The following TENM3 variants were observed in gnomAD, a reference collection of about 807,000 sequenced individuals.
TENM3 encodes the protein teneurin-3.
Under a neutral mutation model 255.1 loss-of-function variants are expected in TENM3, and 63 were observed. That is an observed-to-expected ratio of 0.25 (90% CI 0.20 to 0.30). The LOEUF is 0.30. Among genes scored for constraint, TENM3 ranks in the 10% least tolerant of loss-of-function variants. The pLI, the probability that TENM3 is intolerant of heterozygous loss-of-function variation, is 1.00. For synonymous variants in TENM3, 1,306 were observed against 1,322.3 expected, an observed-to-expected ratio of 0.99 and a Z score of 0.27; for missense variants, 2,929 against 3,461.1, an observed-to-expected ratio of 0.85 and a Z score of 3.86.
chr4:182,487,684 A>C (rs937949684), intron 3 of TENM3, among the ~76,000 whole-genome samples: 1 of 152,128 alleles, frequency 6.6e-6, no homozygotes, highest in African/African-American at 2.4e-5. Flanking sequence ...TATTTTACAA[A>C]ATGTAAAATA....
intron 2 of TENM3, among the ~76,000 whole-genome samples, chr4:182,328,161 T>C (rs2944439): frequency 0.51 from 77,499 of 152,038 alleles, 20,389 homozygotes; most frequent in Admixed American, 0.65. Context: ...ATTTGAAGAC[T>C]ACCACTTATT....
intron 1 of TENM3, among the ~76,000 whole-genome samples, chr4:182,322,366 T>C (rs1432992521): frequency 1.3e-5 from 2 of 152,192 alleles, no homozygotes; most frequent in Non-Finnish European, 2.9e-5. Flanking sequence ...GAACCCTTCA[T>C]TGGCAACATG....
intron 7 of TENM3, among the ~76,000 whole-genome samples, chr4:182,676,990 C>G (rs542270137): frequency 1.3e-5 from 2 of 152,296 alleles, no homozygotes; most frequent in South Asian, 4.1e-4. Flanking sequence ...TCCTAAGACT[C>G]CTCTTCTCCC....
chr4:182,549,187 T>G (rs1741763542), intron 3 of TENM3, among the ~76,000 whole-genome samples: 2 of 152,210 alleles, frequency 1.3e-5, no homozygotes, highest in Non-Finnish European at 2.9e-5. Context: ...TGTGCATGCT[T>G]GTGTGCATGC....
chr4:182,120,922 C>G, the TENM3 span, among the ~76,000 whole-genome samples: 1 of 152,148 alleles, frequency 6.6e-6, no homozygotes, highest in Non-Finnish European at 1.5e-5. Flanking sequence ...CCATGGCTTT[C>G]TCTCTGACTG....
intron 1 of TENM3, among the ~76,000 whole-genome samples, chr4:182,316,891 C>T (rs963141632): frequency 6.6e-6 from 1 of 152,192 alleles, no homozygotes; most frequent in Non-Finnish European, 1.5e-5. Context: ...GTCCCCCTTC[C>T]TGTGCTACAG....
intron 1 of TENM3, among the ~76,000 whole-genome samples, chr4:182,312,357 G>C (rs1762499112): frequency 6.6e-6 from 1 of 152,060 alleles, no homozygotes; most frequent in African/African-American, 2.4e-5. Context: ...GCGAGACCCT[G>C]TCTCAAAAAA....
chr4:181,980,747 T>C, the TENM3 span, among the ~76,000 whole-genome samples: 79 of 152,326 alleles, frequency 5.2e-4, no homozygotes, highest in African/African-American at 1.9e-3. Context: ...CAAATGAAAA[T>C]GATTACATCG....
chr4:181,616,708 G>A, the TENM3 span, among the ~76,000 whole-genome samples: 1 of 152,114 alleles, frequency 6.6e-6, no homozygotes, highest in Non-Finnish European at 1.5e-5. Context: ...TTCCAGTCCT[G>A]AAGTCCAGAG....
chr4:181,956,308 A>T, the TENM3 span, among the ~76,000 whole-genome samples: 3 of 152,216 alleles, frequency 2.0e-5, no homozygotes, highest in African/African-American at 7.2e-5. Context: ...AGACCATAGC[A>T]CTTAGTAATT....
intron 22 of TENM3, among the ~76,000 whole-genome samples, chr4:182,756,297 G>T (rs866696539): frequency 6.6e-6 from 1 of 152,172 alleles, no homozygotes; most frequent in Non-Finnish European, 1.5e-5. Context: ...GAGGTAGGAG[G>T]CTCATTCAGC....
At chr4:182,354,815 T>C (rs1765416184) in intron 3 of TENM3, among the ~76,000 whole-genome samples, 1 of 152,220 alleles carries the variant, frequency 6.6e-6, no homozygotes, top group African/African-American at 2.4e-5. Context: ...TAAAAATGTC[T>C]GATGACTATT....
At chr4:181,574,650 C>A in the TENM3 span, among the ~76,000 whole-genome samples, 1 of 151,704 alleles carries the variant, frequency 6.6e-6, no homozygotes, top group Admixed American at 6.6e-5. Flanking sequence ...GATGAGAGAA[C>A]AAGTTATTAG....
chr4:182,530,938 G>A (rs1409230618), intron 3 of TENM3, among the ~76,000 whole-genome samples: 1 of 152,174 alleles, frequency 6.6e-6, no homozygotes, highest in Admixed American at 6.5e-5. Flanking sequence ...TTGTTGACTT[G>A]GACATAGCAA....
chr4:182,286,299 T>C (rs1191944992), intron 1 of TENM3, among the ~76,000 whole-genome samples: 4 of 152,214 alleles, frequency 2.6e-5, no homozygotes, highest in Admixed American at 6.5e-5. Context: ...CCTGCCATTC[T>C]ACAATTTTCT....
chr4:181,703,119 C>A, the TENM3 span, among the ~76,000 whole-genome samples: 7 of 152,222 alleles, frequency 4.6e-5, no homozygotes, highest in Admixed American at 2.6e-4. Context: ...GCTTTCAGAC[C>A]GAAGCAGATC....
Position 182,324,069 on chromosome 4 carries a change from C to G in TENM3, c.49C>G (p.Arg17Gly), listed in dbSNP as rs369372191. The stretch of plus-strand genomic sequence containing the variant: ...TTACTGCTCCCTGACCAAGAGCAGA[C>G]GAGAGAAGGAACGGCGCTACACAAA... ...RPYCSLTKSR[R>G]EKERRYTNSS... Residue 17 changes from arginine (R) to glycine (G), a missense_variant, in exon 2 of 28, where the codon CGA becomes GGA. Arg to Gly is a moderately radical substitution (Grantham distance 125). This residue lies in a region of TENM3 where 283 missense variants were observed against 256.9 expected (regional missense o/e 1.10). Transcript: ENST00000511685. 9.9e-6 allele frequency: 16 copies of G among 1,613,826 alleles called. No individual in the cohort carries two copies. The highest frequency in any genetic ancestry group is 1.3e-5 in the Non-Finnish European group (15 of 1,179,892).
In TENM3 at chr4:182,650,275, G is replaced by A. The variant is rs1042435825; in HGVS notation, c.989-3496G>A. On this transcript the variant is annotated intron_variant, in intron 5 of 27. Coordinates refer to ENST00000511685, the MANE Select transcript of TENM3 (RefSeq NM_001080477.4). ...ACGTCTTCACCTGAGACCCAGGGCA[G>A]TGAGGGACTCAGAAGAGCACAGCGC... Among the ~76,000 whole-genome samples the A allele has an allele frequency of 3.3e-5, 5 of 150,102 alleles. 1 individual carries two copies. Among genetic ancestry groups the A allele is most frequent in the Admixed American group, 2.0e-4 (3 of 15,000 alleles).
At chr4:182,436,886 T>C (rs1036872383) in intron 3 of TENM3, among the ~76,000 whole-genome samples, 1 of 152,012 alleles carries the variant, frequency 6.6e-6, no homozygotes, top group African/African-American at 2.4e-5. Flanking sequence ...GGCGTGGTGG[T>C]GGGCACCTGT....
Sources: gnomAD v4.1 joint callset for allele counts (sites outside exome capture counted in the v4.1 genomes callset) on GRCh38, gnomAD v4.1.1 for gene constraint, gnomAD v4.1.1 regional missense constraint, MANE v1.5 for transcripts, NCBI Gene and HGNC (gene_info 2026-07-23, HGNC 2026-07-21) for gene names.